The following PDE6G variants were observed in gnomAD, a reference collection of about 807,000 sequenced individuals.
PDE6G encodes the protein rod cGMP 3',5'-cyclic phosphodiesterase subunit gamma.
A neutral mutation model predicts 10.9 loss-of-function variants in PDE6G; 10 were observed. That is an observed-to-expected ratio of 0.91 (90% CI 0.56 to 1.55). The LOEUF (loss-of-function observed/expected upper bound fraction) is 1.55. PDE6G is among the 40% of genes most tolerant of loss of function. The pLI, the probability that PDE6G is intolerant of heterozygous loss-of-function variation, is 0.00. For missense variants in PDE6G, 102 were observed against 110.1 expected, an observed-to-expected ratio of 0.93 and a Z score of 0.33; for synonymous variants, 41 against 42.8, an observed-to-expected ratio of 0.96 and a Z score of 0.16.
chr17:81,662,395 G>C (rs948743446), intron 1 of PDE6G, among the ~76,000 whole-genome samples: 3 of 152,106 alleles, frequency 2.0e-5, no homozygotes, highest in African/African-American at 7.2e-5. Context: ...GGCTGAGGTG[G>C]GCAGATGGCT....
Position 81,653,248 on chromosome 17 carries a change from G to A in PDE6G, c.58C>T (p.Pro20Ser). 1 of 1,614,056 alleles carries A rather than the reference G, an allele frequency of 6.2e-7. No homozygotes were observed. The highest frequency in any genetic ancestry group is 8.5e-7 in the Non-Finnish European group (1 of 1,179,972). The change falls in exon 2 of 4, where the codon CCT becomes TCT. Residue 20 changes from proline (P) to serine (S), a missense_variant. Coordinates refer to ENST00000331056, the MANE Select transcript of PDE6G (RefSeq NM_002602.4). The surrounding 1 kb of genome is among the most constrained non-coding windows in gnomAD (Gnocchi z 5.2). ...FRSATRVAGG[P>S]VTPRKGPPKF... ...GGGGGCCCTTTCCTGGGGGTGACAG[G>A]TCCCCCGGCCACCCTGGTGGCTGAC... is the stretch of plus-strand genomic sequence containing the variant.
chr17:81,651,272 G>A lies in PDE6G; in HGVS notation c.188-122C>T, dbSNP rs536803708. 1.4e-4 allele frequency: 104 copies of A among 753,018 alleles called. No individual in the cohort carries two copies. The highest frequency in any genetic ancestry group is 3.5e-4 in the Middle Eastern group (1 of 2,872). The allele number at this position is 753,018 out of a possible 1,614,324, so 46.6% of individuals were successfully genotyped here. A position where few individuals can be genotyped will look rare whatever the true frequency, so the allele number is the denominator to read the frequency against. ...TACAGTGTGCTGAGCGGGGACGTGCGGACGCTGGAGTGGGGCCCTCCTCTG... is the reference window on the plus strand; with the variant it reads ...TACAGTGTGCTGAGCGGGGACGTGCAGACGCTGGAGTGGGGCCCTCCTCTG... On this transcript the variant is annotated intron_variant, in intron 3 of 3. Transcript: ENST00000331056. This position sits in a 1 kb window ranked among gnomAD's most constrained non-coding sequence, Gnocchi z 4.8.
chr17:81,660,440 T>C (rs1598724322), upstream of PDE6G, among the ~76,000 whole-genome samples: 2 of 152,204 alleles, frequency 1.3e-5, no homozygotes, highest in Non-Finnish European at 2.9e-5. Context: ...AATACTTTTC[T>C]ACAGCAGTAA....
rs2036360246 is a variant in PDE6G, at chr17:81,651,766, T to C, written c.147-81A>G. 2 of 1,441,704 alleles carry C rather than the reference T, an allele frequency of 1.4e-6. No individual in the cohort carries two copies. The highest frequency in any genetic ancestry group is 2.4e-5 in the South Asian group (2 of 84,612). The allele number at this position is 1,441,704 out of a possible 1,614,324, so 89.3% of individuals were successfully genotyped here. On this transcript the variant is annotated intron_variant, in intron 2 of 3. Coordinates refer to ENST00000331056, the MANE Select transcript of PDE6G (RefSeq NM_002602.4). The surrounding 1 kb of genome is among the most constrained non-coding windows in gnomAD (Gnocchi z 4.8). ...CTGAGGCCCGAGGTCATCTCTAGCC[T>C]TCCTAGGAGATGAGGTGTTTGGCTG...
chr17:81,657,694 C>G (rs1448819597), upstream of PDE6G, among the ~76,000 whole-genome samples: 1 of 151,648 alleles, frequency 6.6e-6, no homozygotes, highest in Non-Finnish European at 1.5e-5. Context: ...TCCTTGCTAA[C>G]ATGGTGAAAC....
intron 1 of PDE6G, among the ~76,000 whole-genome samples, chr17:81,662,401 T>C (rs1201543233): frequency 6.6e-6 from 1 of 152,164 alleles, no homozygotes; most frequent in Non-Finnish European, 1.5e-5. Flanking sequence ...GGTGGGCAGA[T>C]GGCTTGAGGT....
intron 2 of PDE6G, among the ~76,000 whole-genome samples, chr17:81,652,390 C>G (rs2036372603): frequency 1.3e-5 from 2 of 152,140 alleles, no homozygotes; most frequent in Admixed American, 6.5e-5. Context: ...CATTCTCCTG[C>G]CTCAGCCTCC....
At position 81,653,590 on chromosome 17, in the gene PDE6G, G is replaced by A; in HGVS notation, c.-59-226C>T. The A allele has an allele frequency of 2.1e-6, 1 of 486,914 alleles. No homozygotes were observed. Among genetic ancestry groups the A allele is most frequent in the Non-Finnish European group, 3.8e-6 (1 of 264,152 alleles). 30.2% of individuals were successfully genotyped at this position (486,914 alleles called of 1,614,324 possible). On this transcript the variant is annotated intron_variant, in intron 1 of 3. Transcript: ENST00000331056. This position sits in a 1 kb window ranked among gnomAD's most constrained non-coding sequence, Gnocchi z 5.2. ...TAGTGGATGCCCCCCTGCAACGCTG[G>A]CCACACACAGCTCCGGACTCCCCCC...
chr17:81,661,690 T>C (rs936975597), intron 1 of PDE6G, among the ~76,000 whole-genome samples: 3 of 151,926 alleles, frequency 2.0e-5, no homozygotes, highest in Admixed American at 2.0e-4. Context: ...TGAAAGCCCG[T>C]TGCTACTGAA....
chr17:81,653,462 C>T lies in PDE6G; in HGVS notation c.-59-98G>A. On this transcript the variant is annotated intron_variant, in intron 1 of 3. Coordinates refer to ENST00000331056, the MANE Select transcript of PDE6G (RefSeq NM_002602.4). The surrounding 1 kb of genome is among the most constrained non-coding windows in gnomAD (Gnocchi z 5.2). The stretch of plus-strand genomic sequence containing the variant: ...GTGGAGGGGCTGAGACCCAGCCCCG[C>T]CAGCTCCAGCGTCATCCAGACAGCA... 2 of 773,098 alleles carry T rather than the reference C, an allele frequency of 2.6e-6. No homozygotes were observed. The highest frequency in any genetic ancestry group is 2.5e-5 in the Admixed American group (1 of 39,864). The allele number at this position is 773,098 out of a possible 1,614,324, so 47.9% of individuals were successfully genotyped here. A position where few individuals can be genotyped will look rare whatever the true frequency, so the allele number is the denominator to read the frequency against.
At chr17:81,655,159 C>T (rs2036426912) in intron 1 of PDE6G, among the ~76,000 whole-genome samples, 1 of 152,164 alleles carries the variant, frequency 6.6e-6, no homozygotes, top group African/African-American at 2.4e-5. Flanking sequence ...CGGAGGCATC[C>T]CTGAGCCCCT....
rs200236628 is a variant in PDE6G, at chr17:81,651,070, C to G, written c.*4G>C. 1 of 1,609,048 alleles carries G rather than the reference C, an allele frequency of 6.2e-7. No homozygotes were observed. Among genetic ancestry groups the G allele is most frequent in the Non-Finnish European group, 8.5e-7 (1 of 1,175,466 alleles). On this transcript the variant is annotated 3_prime_UTR_variant, in exon 4 of 4. Coordinates refer to ENST00000331056, the MANE Select transcript of PDE6G (RefSeq NM_002602.4). The surrounding 1 kb of genome is among the most constrained non-coding windows in gnomAD (Gnocchi z 4.8). The stretch of plus-strand genomic sequence containing the variant: ...GAGGGTCTGGACTTCAGCAGGGCCT[C>G]GTGCTAGATGATGCCATATTGGGCC...
chr17:81,656,882 C>T (rs964973583), upstream of PDE6G: 8 of 487,708 alleles, frequency 1.6e-5, no homozygotes, highest in East Asian at 3.0e-4. Flanking sequence ...GTCCCCAAAA[C>T]CCTCTGCAGC....
chr17:81,654,651 G>A (rs1238618715), intron 1 of PDE6G, among the ~76,000 whole-genome samples: 1 of 151,926 alleles, frequency 6.6e-6, no homozygotes, highest in Admixed American at 6.6e-5. Flanking sequence ...CAAAGTGCAG[G>A]GATTACAGGC....
At position 81,650,822 on chromosome 17, in the gene PDE6G, G is replaced by A. The variant is rs1271973607; in HGVS notation, c.*252C>T. On this transcript the variant is annotated 3_prime_UTR_variant, in exon 4 of 4. Transcript: ENST00000331056. ...ACCGACCAAGCCTCTCTGTGGGCAG[G>A]ACTGAGGGGTGGGCCTGTATCTCCA... The A allele has an allele frequency of 3.4e-6, 2 of 589,082 alleles. No homozygotes were observed. The highest frequency in any genetic ancestry group is 3.2e-6 in the Non-Finnish European group (1 of 313,412). 36.5% of individuals were successfully genotyped at this position (589,082 alleles called of 1,614,324 possible). A position where few individuals can be genotyped will look rare whatever the true frequency, so the allele number is the denominator to read the frequency against.
In PDE6G at chr17:81,651,175, CAG is replaced by C. The variant is rs1194946854; in HGVS notation, c.188-27_188-26del. 6 of 1,573,130 alleles carry C rather than the reference CAG, an allele frequency of 3.8e-6. No individual in the cohort carries two copies. In the Admixed American group the frequency reaches 1.0e-4, roughly 26 times the overall value. On this transcript the variant is annotated intron_variant, in intron 3 of 3. Coordinates refer to ENST00000331056, the MANE Select transcript of PDE6G (RefSeq NM_002602.4). The surrounding 1 kb of genome is among the most constrained non-coding windows in gnomAD (Gnocchi z 4.8). ...TCTGTGGGAGAAACGGGCCACGGAT[CAG>C]AGAGGATCCCACGGCCTAGGGACCC...
Position 81,651,206 on chromosome 17 carries a change from C to A in PDE6G, c.188-56G>T, listed in dbSNP as rs1568184728. The A allele has an allele frequency of 1.6e-5, 21 of 1,317,586 alleles. No individual in the cohort carries two copies. In the East Asian group the frequency reaches 4.6e-4, roughly 29 times the overall value. 81.6% of individuals were successfully genotyped at this position (1,317,586 alleles called of 1,614,324 possible). On this transcript the variant is annotated intron_variant, in intron 3 of 3. Coordinates refer to ENST00000331056, the MANE Select transcript of PDE6G (RefSeq NM_002602.4). The surrounding 1 kb of genome is among the most constrained non-coding windows in gnomAD (Gnocchi z 4.8). ...GGATCCCACGGCCTAGGGACCCCCCCATCCCCTGTGGCCCTGTTTCCCACA... is the reference window on the plus strand; with the variant it reads ...GGATCCCACGGCCTAGGGACCCCCCAATCCCCTGTGGCCCTGTTTCCCACA...
At chr17:81,652,449 T>C (rs1275186311) in intron 2 of PDE6G, among the ~76,000 whole-genome samples, 1 of 151,510 alleles carries the variant, frequency 6.6e-6, no homozygotes, top group Non-Finnish European at 1.5e-5. Context: ...GCTAATTTTT[T>C]GTATTTTTTA....
Position 81,650,899 on chromosome 17 carries a change from G to C in PDE6G, c.*175C>G, listed in dbSNP as rs1337783822. 1 of 679,158 alleles carries C rather than the reference G, an allele frequency of 1.5e-6. No homozygotes were observed. The highest frequency in any genetic ancestry group is 2.0e-5 in the Admixed American group (1 of 48,854). The allele number at this position is 679,158 out of a possible 1,614,324, so 42.1% of individuals were successfully genotyped here. On this transcript the variant is annotated 3_prime_UTR_variant, in exon 4 of 4. Transcript: ENST00000331056. ...CTGAGGGGGCATCCTAGAGGGAGGT[G>C]GTGGGCTCCTGGTGACTGGTATTAA...
Sources: gnomAD v4.1 joint callset for allele counts (sites outside exome capture counted in the v4.1 genomes callset) on GRCh38, gnomAD v4.1.1 for gene constraint, Gnocchi (gnomAD v3.1) non-coding constraint, MANE v1.5 for transcripts, NCBI Gene and HGNC (gene_info 2026-07-23, HGNC 2026-07-21) for gene names.